The following B3GAT2 variants were observed in gnomAD, a reference collection of about 807,000 sequenced individuals.
B3GAT2 encodes beta-1,3-glucuronyltransferase 2, also known as galactosylgalactosylxylosylprotein 3-beta-glucuronosyltransferase 2.
B3GAT2 carries 26 observed loss-of-function variants against 27.8 expected under a neutral mutation model. That is an observed-to-expected ratio of 0.93 (90% CI 0.68 to 1.30). The LOEUF is 1.30. B3GAT2 is among the 50% of genes most tolerant of loss of function. The pLI is 0.00. For missense variants in B3GAT2, 458 were observed against 459.0 expected (o/e 1.00, Z 0.02); for synonymous variants, 218 against 195.1 (o/e 1.12, Z -0.98).
At chr6:70,936,849 G>A (rs1308665415) in intron 1 of B3GAT2, among the ~76,000 whole-genome samples, 12 of 152,040 alleles carry the variant, frequency 7.9e-5, no homozygotes, top group African/African-American at 2.2e-4. Flanking sequence ...AAGAACTAAA[G>A]AAGCAAGAGC....
In B3GAT2 at chr6:70,859,567, T is replaced by A; in HGVS notation, c.*2096A>T. On this transcript the variant is annotated 3_prime_UTR_variant, in exon 4 of 4. Coordinates refer to ENST00000230053, the MANE Select transcript of B3GAT2 (RefSeq NM_080742.3). ...GAGTGTAAGTTTTAAACCCACTCAC[T>A]ATATGGTAAATCTTGCCTTTCCTTC... 2.0e-6 allele frequency: 1 copy of A among 492,586 alleles called. No individual in the cohort carries two copies. Among genetic ancestry groups the A allele is most frequent in the Non-Finnish European group, 3.5e-6 (1 of 286,666 alleles). The allele number at this position is 492,586 out of a possible 1,614,324, so 30.5% of individuals were successfully genotyped here. A position where few individuals can be genotyped will look rare whatever the true frequency, so the allele number is the denominator to read the frequency against.
intron 2 of B3GAT2, among the ~76,000 whole-genome samples, chr6:70,889,786 ATTT>A (rs5877266): frequency 1.7e-4 from 24 of 141,814 alleles, no homozygotes; most frequent in African/African-American, 4.7e-4. Flanking sequence ...TAGAAACCTA[ATTT>A]TTTTTTTTTT....
At chr6:70,939,421 C>T (rs565869744) in intron 1 of B3GAT2, among the ~76,000 whole-genome samples, 2 of 150,870 alleles carry the variant, frequency 1.3e-5, no homozygotes, top group Non-Finnish European at 2.9e-5. Flanking sequence ...GACTATAAAT[C>T]ATGCTGCTAT....
At chr6:70,921,723 A>G (rs1473530732) in intron 1 of B3GAT2, among the ~76,000 whole-genome samples, 1 of 152,178 alleles carries the variant, frequency 6.6e-6, no homozygotes, top group African/African-American at 2.4e-5. Context: ...GTGTGGGCTG[A>G]CATTCCTTTA....
intron 2 of B3GAT2, among the ~76,000 whole-genome samples, chr6:70,873,311 A>G (rs75896257): frequency 0.025 from 3,738 of 152,206 alleles, 160 homozygotes; most frequent in African/African-American, 0.085. Context: ...TTTTTGAAGG[A>G]TAGTTTTGCT....
intron 2 of B3GAT2, among the ~76,000 whole-genome samples, chr6:70,872,840 AT>A (rs1771959467): frequency 6.6e-6 from 1 of 151,784 alleles, no homozygotes; most frequent in South Asian, 2.1e-4. Context: ...GTCATTTATC[AT>A]TTGAGTTATT....
intron 1 of B3GAT2, among the ~76,000 whole-genome samples, chr6:70,914,540 T>A (rs1255052093): frequency 6.6e-6 from 1 of 152,152 alleles, no homozygotes; most frequent in Non-Finnish European, 1.5e-5. Flanking sequence ...TATTATTATT[T>A]TTTTTAACAA....
At chr6:70,891,708 T>C (rs1772291315) in intron 2 of B3GAT2, among the ~76,000 whole-genome samples, 1 of 152,000 alleles carries the variant, frequency 6.6e-6, no homozygotes, top group Non-Finnish European at 1.5e-5. Context: ...CACTTGACTA[T>C]CACAGAGCAT....
intron 1 of B3GAT2, among the ~76,000 whole-genome samples, chr6:70,908,192 G>A (rs1185748279): frequency 6.6e-6 from 1 of 152,176 alleles, no homozygotes. Context: ...AAAGATGAGT[G>A]CCTAAATGGA....
At chr6:70,937,439 GAC>G in intron 1 of B3GAT2, among the ~76,000 whole-genome samples, 1 of 152,102 alleles carries the variant, frequency 6.6e-6, no homozygotes, top group African/African-American at 2.4e-5. Context: ...GCCGGGCAGA[GAC>G]ACAGCCAAAA....
chr6:70,927,617 C>G (rs143471138), intron 1 of B3GAT2, among the ~76,000 whole-genome samples: 117 of 152,222 alleles, frequency 7.7e-4, no homozygotes, highest in African/African-American at 2.3e-3. Flanking sequence ...AATTCAACAA[C>G]AAGAGCTAAC....
At chr6:70,881,283 CTT>C (rs1431109370) in intron 2 of B3GAT2, among the ~76,000 whole-genome samples, 1 of 152,168 alleles carries the variant, frequency 6.6e-6, no homozygotes. Flanking sequence ...GCTGCTGGCT[CTT>C]GTTTTATGAT....
intron 2 of B3GAT2, among the ~76,000 whole-genome samples, chr6:70,877,908 G>A (rs979094115): frequency 5.3e-5 from 8 of 152,198 alleles, no homozygotes; most frequent in African/African-American, 1.7e-4. Flanking sequence ...CCAGGCTTCT[G>A]AGCAAGGATC....
intron 1 of B3GAT2, among the ~76,000 whole-genome samples, chr6:70,937,370 GA>G (rs1562234487): frequency 1.3e-5 from 2 of 151,368 alleles, no homozygotes; most frequent in African/African-American, 4.9e-5. Context: ...CCAATCAATA[GA>G]AAAAGAGGGA....
chr6:70,904,198 C>T lies in B3GAT2; in HGVS notation c.592-9926G>A, dbSNP rs187949555. ...ATTCTAGAATAGGTACACTAATCTA[C>T]AGTGACACAAAGCAGGTCAGAGGCT... On this transcript the variant is annotated intron_variant, in intron 1 of 3. Transcript: ENST00000230053. Among the ~76,000 whole-genome samples the T allele has an allele frequency of 7.9e-5, 12 of 152,254 alleles. No homozygotes were observed. The East Asian group carries it at 2.1e-3, about 27-fold the overall frequency.
At chr6:70,882,357 TGGGCATGGTGGC>T (rs979950650) in intron 2 of B3GAT2, among the ~76,000 whole-genome samples, 20 of 151,970 alleles carry the variant, frequency 1.3e-4, no homozygotes, top group African/African-American at 4.1e-4. Flanking sequence ...AAAAATTAGC[TGGGCATGGTGGC>T]GGGTGCCTGT....
At chr6:70,951,002 A>G (rs758355526) in intron 1 of B3GAT2, among the ~76,000 whole-genome samples, 1 of 152,170 alleles carries the variant, frequency 6.6e-6, no homozygotes, top group Non-Finnish European at 1.5e-5. Flanking sequence ...CTACCTATGC[A>G]TCTATCTATG....
At chr6:70,888,993 C>A (rs1487200513) in intron 2 of B3GAT2, among the ~76,000 whole-genome samples, 1 of 152,204 alleles carries the variant, frequency 6.6e-6, no homozygotes, top group Non-Finnish European at 1.5e-5. Context: ...TGTAGACATT[C>A]TCTCTCTGCT....
intron 2 of B3GAT2, among the ~76,000 whole-genome samples, chr6:70,882,178 A>G (rs183830324): frequency 3.9e-5 from 6 of 152,322 alleles, no homozygotes; most frequent in Non-Finnish European, 8.8e-5. Context: ...GACTTCTTAG[A>G]TATGACACCA....
Sources: allele counts gnomAD v4.1 joint callset (sites outside exome capture counted in the v4.1 genomes callset), GRCh38; gene constraint gnomAD v4.1.1; transcripts MANE v1.5; gene names NCBI Gene and HGNC (gene_info 2026-07-23, HGNC 2026-07-21).